Variants in GGTA1 observed in about 807,000 individuals in gnomAD.
GGTA1 encodes the protein inactive N-acetyllactosaminide alpha-1,3-galactosyltransferase.
A neutral mutation model predicts 2.6 loss-of-function variants in GGTA1; 5 were observed. That is an observed-to-expected ratio of 1.92 (90% CI 1.00 to 4.04). The LOEUF (loss-of-function observed/expected upper bound fraction) is 4.04. Ranked by LOEUF, GGTA1 falls within the 30% of genes most tolerant of loss-of-function variation. The pLI is 0.00. For missense variants in GGTA1, 50 were observed against 16.7 expected, an observed-to-expected ratio of 2.99 and a Z score of -3.47; for synonymous variants, 17 against 5.0, an observed-to-expected ratio of 3.38 and a Z score of -3.19.
At chr9:121,477,130 G>C (rs960291529) in intron 1 of GGTA1, among the ~76,000 whole-genome samples, 1 of 152,210 alleles carries the variant, frequency 6.6e-6, no homozygotes, top group Non-Finnish European at 1.5e-5. Context: ...GCCTAGCAAG[G>C]ATCCAGGGCT....
Position 121,483,517 on chromosome 9 carries a change from C to T in GGTA1, c.-9-15586G>A, listed in dbSNP as rs556352007. Among the ~76,000 whole-genome samples, 8 of 152,284 alleles carry T rather than the reference C, an allele frequency of 5.3e-5. No individual in the cohort carries two copies. The South Asian group carries it at 1.5e-3, about 28-fold the overall frequency. ...ATTCCTTAATTGAAAGCCAGAGAAC[C>T]GTAGCAAATGAGCCTCGGGCTGGAG... is the stretch of plus-strand genomic sequence containing the variant. On this transcript the variant is annotated intron_variant, in intron 1 of 5. Coordinates refer to ENST00000481799, the MANE Select transcript of GGTA1 (RefSeq NM_001382585.1).
At position 121,498,825 on chromosome 9, in the gene GGTA1, G is replaced by C. The variant is rs185350265; in HGVS notation, c.-10+825C>G. Among the ~76,000 whole-genome samples the C allele has an allele frequency of 2.6e-5, 4 of 151,916 alleles. No individual in the cohort carries two copies. The East Asian group carries it at 5.8e-4, about 22-fold the overall frequency. On this transcript the variant is annotated intron_variant, in intron 1 of 5. Coordinates refer to ENST00000481799, the MANE Select transcript of GGTA1 (RefSeq NM_001382585.1). ...TCCCGGCCGCCACAGCGGGAAGATC[G>C]AGGAATCTCAAATCCCTCTGCTTCT...
chr9:121,480,650 A>G (rs1187183506), intron 1 of GGTA1, among the ~76,000 whole-genome samples: 1 of 152,192 alleles, frequency 6.6e-6, no homozygotes, highest in East Asian at 1.9e-4. Flanking sequence ...GTTCCCCAGA[A>G]GGAAATTTCA....
intron 1 of GGTA1, among the ~76,000 whole-genome samples, chr9:121,474,492 G>A (rs1382240471): frequency 3.3e-5 from 5 of 152,044 alleles, no homozygotes; most frequent in South Asian, 2.1e-4. Context: ...CTCCTTTTCC[G>A]CTTCTGTTTC....
intron 3 of GGTA1, 31 bp downstream of exon 3, chr9:121,463,262 C>G: frequency 2.2e-6 from 1 of 452,690 alleles, no homozygotes. Flanking sequence ...TGGGAAACAT[C>G]CCCTAGAAAT....
chr9:121,455,014 C>T (rs551593655), downstream of GGTA1: 7 of 152,006 alleles, frequency 4.6e-5, no homozygotes, highest in East Asian at 9.6e-4. Context: ...AACTCCATCT[C>T]GAAATAAATA....
chr9:121,493,708 C>T (rs1345323020), intron 1 of GGTA1, among the ~76,000 whole-genome samples: 4 of 151,186 alleles, frequency 2.6e-5, no homozygotes, highest in Non-Finnish European at 5.9e-5. Flanking sequence ...CCACATCCTC[C>T]TGGATACCCC....
At chr9:121,463,679 A>C (rs1171032247) in intron 2 of GGTA1, among the ~76,000 whole-genome samples, 11 of 151,786 alleles carry the variant, frequency 7.2e-5, no homozygotes, top group Admixed American at 7.2e-4. Context: ...GTGAGTCATC[A>C]CTCCTGGCCT....
chr9:121,482,543 T>G (rs987878429), intron 1 of GGTA1, among the ~76,000 whole-genome samples: 2 of 151,472 alleles, frequency 1.3e-5, no homozygotes, highest in Non-Finnish European at 3.0e-5. Context: ...CTGAGGCGGG[T>G]GGATCTCCTG....
intron 1 of GGTA1, among the ~76,000 whole-genome samples, chr9:121,487,189 C>T (rs1016395464): frequency 3.9e-5 from 6 of 152,070 alleles, no homozygotes; most frequent in Non-Finnish European, 7.4e-5. Context: ...CCAGAGGGGA[C>T]GACTTTTCAG....
chr9:121,448,262 AC>A (rs1267191260), intron 7 of GGTA1, among the ~76,000 whole-genome samples: 11 of 151,988 alleles, frequency 7.2e-5, no homozygotes, highest in Non-Finnish European at 1.6e-4. Flanking sequence ...CCTAACATAA[AC>A]CCCAATGTTG....
chr9:121,446,095 A>G (rs2064851208), exon 8 of GGTA1: 1 of 152,232 alleles, frequency 6.6e-6, no homozygotes. Context: ...GGTCAATGAG[A>G]TTGGAAATCA....
At chr9:121,459,989 A>G (rs2289068) in intron 5 of GGTA1, 115 bp downstream of exon 5, 334,862 of 392,764 alleles carry the variant, frequency 0.85, 144,371 homozygotes, top group Non-Finnish European at 0.91. Flanking sequence ...CTAATATGCT[A>G]AGGCTCTTTC....
intron 1 of GGTA1, among the ~76,000 whole-genome samples, chr9:121,484,201 T>A (rs1828709803): frequency 1.3e-5 from 2 of 152,052 alleles, no homozygotes; most frequent in South Asian, 4.2e-4. Context: ...TATTAAAAAA[T>A]TGTAAAAAGG....
intron 1 of GGTA1, among the ~76,000 whole-genome samples, chr9:121,496,003 C>T (rs983242798): frequency 6.6e-6 from 1 of 152,210 alleles, no homozygotes; most frequent in East Asian, 1.9e-4. Flanking sequence ...ATTTGCCTGG[C>T]CCACAGAGTA....
At chr9:121,492,618 C>A (rs1220031095) in intron 1 of GGTA1, among the ~76,000 whole-genome samples, 1 of 152,102 alleles carries the variant, frequency 6.6e-6, no homozygotes, top group African/African-American at 2.4e-5. Flanking sequence ...GGATTACAGG[C>A]ATGGGCCACT....
At chr9:121,466,941 G>C (rs2065008643) in intron 2 of GGTA1, among the ~76,000 whole-genome samples, 1 of 142,080 alleles carries the variant, frequency 7.0e-6, no homozygotes, top group Non-Finnish European at 1.5e-5. Context: ...TGACAAGAGA[G>C]AGACTCTGTC....
At chr9:121,447,098 G>A (rs1403426468) in exon 8 of GGTA1, 1 of 152,570 alleles carries the variant, frequency 6.6e-6, no homozygotes, top group Non-Finnish European at 1.5e-5. Context: ...CATTTTTCTT[G>A]TCCAGGAGGA....
At chr9:121,451,640 A>G (rs958695825), downstream of GGTA1, among the ~76,000 whole-genome samples, 1 of 152,234 alleles carries the variant, frequency 6.6e-6, no homozygotes, top group African/African-American at 2.4e-5. Flanking sequence ...AAAAAGTAGA[A>G]GTGATCTGAG....
Sources: allele counts gnomAD v4.1 joint callset (sites outside exome capture counted in the v4.1 genomes callset), GRCh38; gene constraint gnomAD v4.1.1; transcripts MANE v1.5; gene names NCBI Gene and HGNC (gene_info 2026-07-23, HGNC 2026-07-21).